Variants in NAALADL2 observed in about 807,000 individuals in gnomAD.
NAALADL2 encodes the protein inactive N-acetylated-alpha-linked acidic dipeptidase-like protein 2.
NAALADL2 carries 76 observed loss-of-function variants against 87.2 expected under a neutral mutation model. That is an observed-to-expected ratio of 0.87 (90% CI 0.72 to 1.05). The LOEUF is 1.05. Among genes scored for constraint, NAALADL2 ranks in the 50% least tolerant of loss-of-function variants. The probability of loss-of-function intolerance (pLI) is 0.00; values close to 1 mark genes in which losing one functional copy is unlikely to be tolerated. For synonymous variants in NAALADL2, 354 were observed against 331.0 expected, an observed-to-expected ratio of 1.07 and a Z score of -0.75; for missense variants, 1,089 against 945.8, an observed-to-expected ratio of 1.15 and a Z score of -1.99.
At chr3:174,516,716 ATC>A (rs1276758280) in intron 1 of NAALADL2, among the ~76,000 whole-genome samples, 1 of 152,064 alleles carries the variant, frequency 6.6e-6, no homozygotes, top group East Asian at 1.9e-4. Flanking sequence ...TTTGCTTAAA[ATC>A]ATAAGTTAGT....
chr3:175,020,134 C>T (rs546800256), intron 1 of NAALADL2, among the ~76,000 whole-genome samples: 1 of 152,012 alleles, frequency 6.6e-6, no homozygotes, highest in Non-Finnish European at 1.5e-5. Flanking sequence ...TGTTCAGGGA[C>T]CTCTTTCTGC....
rs568981496 is a variant in NAALADL2, at chr3:175,293,036, C to CAAAAA, written c.940-31116_940-31112dup. On this transcript the variant is annotated intron_variant, in intron 4 of 13. Coordinates refer to ENST00000454872, the MANE Select transcript of NAALADL2 (RefSeq NM_207015.3). ...TGGGTGACAGAGCGAGACTCCGTCT[C>CAAAAA]AAAAAAAAAAAAAAAAAAAAAAAAA... Among the ~76,000 whole-genome samples the CAAAAA allele has an allele frequency of 9.5e-3, 467 of 49,350 alleles. 37 individuals carry two copies. Among genetic ancestry groups the CAAAAA allele is most frequent in the African/African-American group, 0.028 (438 of 15,674 alleles). The allele number at this position is 49,350 out of a possible 152,430, so 32.4% of individuals were successfully genotyped here. A position where few individuals can be genotyped will look rare whatever the true frequency, so the allele number is the denominator to read the frequency against.
At chr3:174,610,722 C>T (rs545481909) in intron 2 of NAALADL2, among the ~76,000 whole-genome samples, 205 of 126,952 alleles carry the variant, frequency 1.6e-3, no homozygotes, top group South Asian at 7.6e-3. Flanking sequence ...TTGTTGGGAC[C>T]GTAAACTAGT....
chr3:175,323,517 G>A (rs886122735), intron 4 of NAALADL2, among the ~76,000 whole-genome samples: 14 of 152,032 alleles, frequency 9.2e-5, no homozygotes, highest in Middle Eastern at 6.8e-3. Flanking sequence ...CTTATGTATG[G>A]TAGATCCTCT....
intron 13 of NAALADL2, among the ~76,000 whole-genome samples, chr3:175,775,848 A>T (rs1038599793): frequency 1.3e-5 from 2 of 152,176 alleles, no homozygotes; most frequent in African/African-American, 4.8e-5. Context: ...GTTAGGCAGG[A>T]CACTGCCACA....
At chr3:174,952,943 T>G (rs750002501) in intron 1 of NAALADL2, among the ~76,000 whole-genome samples, 1 of 152,058 alleles carries the variant, frequency 6.6e-6, no homozygotes, top group Non-Finnish European at 1.5e-5. Flanking sequence ...TGGTAGATTA[T>G]ACATCATATT....
At chr3:174,990,370 C>T (rs1311218435) in intron 1 of NAALADL2, among the ~76,000 whole-genome samples, 3 of 152,062 alleles carry the variant, frequency 2.0e-5, no homozygotes, top group Non-Finnish European at 4.4e-5. Flanking sequence ...ACATGGTATC[C>T]ATTACCAATC....
At chr3:175,624,296 A>G (rs926101295) in intron 10 of NAALADL2, among the ~76,000 whole-genome samples, 1 of 151,878 alleles carries the variant, frequency 6.6e-6, no homozygotes, top group Non-Finnish European at 1.5e-5. Context: ...GTTCCTCCTC[A>G]TTTTCCTGAT....
rs111868169 is a variant in NAALADL2, at chr3:174,809,071, A to G, written c.-9+71325A>G. Among the ~76,000 whole-genome samples, 1,003 of 152,318 alleles carry G rather than the reference A, an allele frequency of 6.6e-3. 12 individuals are homozygous for G. Among genetic ancestry groups the G allele is most frequent in the African/African-American group, 0.023 (957 of 41,584 alleles). On this transcript the variant is annotated intron_variant, in intron 3 of 3. Coordinates refer to the NAALADL2 transcript ENST00000434257. ...GTCTTAATTACACATTTACCCAATT[A>G]GTACCAGAAATTCTGAAAAGCCAAA...
At chr3:174,866,589 G>A (rs1376219702) in intron 1 of NAALADL2, among the ~76,000 whole-genome samples, 4 of 151,738 alleles carry the variant, frequency 2.6e-5, no homozygotes, top group African/African-American at 9.7e-5. Flanking sequence ...CTGTCCCAGA[G>A]TTCCTAATGA....
chr3:175,045,403 C>G (rs1242038335), intron 1 of NAALADL2, among the ~76,000 whole-genome samples: 2 of 152,058 alleles, frequency 1.3e-5, no homozygotes, highest in Non-Finnish European at 2.9e-5. Flanking sequence ...TATAATTTTT[C>G]TGTTATCTTT....
At chr3:175,074,935 G>A (rs888351817) in intron 1 of NAALADL2, among the ~76,000 whole-genome samples, 3 of 151,808 alleles carry the variant, frequency 2.0e-5, no homozygotes, top group Non-Finnish European at 4.4e-5. Context: ...AGGAGGAAGA[G>A]TAGAAAAGTG....
At chr3:174,904,355 T>C (rs1477713642) in intron 1 of NAALADL2, among the ~76,000 whole-genome samples, 2 of 151,926 alleles carry the variant, frequency 1.3e-5, no homozygotes, top group African/African-American at 2.4e-5. Flanking sequence ...ACGTTCTGTA[T>C]ATCTGCCAAT....
At chr3:175,284,982 A>G (rs1159339644) in intron 4 of NAALADL2, among the ~76,000 whole-genome samples, 14 of 152,172 alleles carry the variant, frequency 9.2e-5, no homozygotes, top group Admixed American at 9.2e-4. Flanking sequence ...CATGGTGTAA[A>G]GGTAACTCCA....
chr3:175,173,560 A>G (rs1485894962), intron 2 of NAALADL2, among the ~76,000 whole-genome samples: 6 of 152,164 alleles, frequency 3.9e-5, no homozygotes, highest in African/African-American at 1.4e-4. Flanking sequence ...CAGTGATTTA[A>G]TCTTAAATAT....
intron 11 of NAALADL2, among the ~76,000 whole-genome samples, chr3:175,711,903 T>C (rs1445162250): frequency 2.6e-5 from 4 of 151,940 alleles, no homozygotes; most frequent in Non-Finnish European, 5.9e-5. Flanking sequence ...CATTTATCTC[T>C]AGGCAGATAA....
At chr3:175,626,369 C>T (rs574706386) in intron 10 of NAALADL2, among the ~76,000 whole-genome samples, 8 of 151,956 alleles carry the variant, frequency 5.3e-5, no homozygotes, top group Middle Eastern at 3.4e-3. Flanking sequence ...ACAGTGAATA[C>T]ACTTTTTGTT....
At chr3:175,799,968 G>T (rs184789197) in intron 13 of NAALADL2, among the ~76,000 whole-genome samples, 1 of 152,122 alleles carries the variant, frequency 6.6e-6, no homozygotes, top group Non-Finnish European at 1.5e-5. Context: ...AAAATTTTCC[G>T]AGTATACAGG....
In NAALADL2 at chr3:174,725,668, T is replaced by C. The variant is rs79941808; in HGVS notation, c.-114-11973T>C. Among the ~76,000 whole-genome samples the C allele has an allele frequency of 6.2e-3, 941 of 152,312 alleles. 6 individuals are homozygous for C. Among genetic ancestry groups the C allele is most frequent in the African/African-American group, 0.022 (894 of 41,564 alleles). ...TAAAGTTAGCAATCATCCAAATTTC[T>C]AGAGAACCGTTTTTTATAGAGATGA... On this transcript the variant is annotated intron_variant, in intron 2 of 3. Transcript: ENST00000434257.
Sources: gnomAD v4.1 joint callset for allele counts (sites outside exome capture counted in the v4.1 genomes callset) on GRCh38, gnomAD v4.1.1 for gene constraint, MANE v1.5 for transcripts, NCBI Gene and HGNC (gene_info 2026-07-23, HGNC 2026-07-21) for gene names.